ZNF117: variants seen among roughly 807,000 people sequenced by gnomAD.
The protein encoded by ZNF117 is zinc finger protein 117.
Under a neutral mutation model 41.2 loss-of-function variants are expected in ZNF117, and 37 were observed. That is an observed-to-expected ratio of 0.90 (90% CI 0.69 to 1.18). ZNF117 has a LOEUF of 1.18. Among genes scored for constraint, ZNF117 ranks in the 50% most tolerant of loss-of-function variants. The probability of loss-of-function intolerance (pLI) is 0.00; values close to 1 mark genes in which losing one functional copy is unlikely to be tolerated. For missense variants in ZNF117, 546 were observed against 557.5 expected (o/e 0.98, Z 0.21); for synonymous variants, 186 against 186.6 (o/e 1.00, Z 0.02).
At chr7:64,985,359 C>A (rs936437686), upstream of ZNF117, among the ~76,000 whole-genome samples, 1 of 152,174 alleles carries the variant, frequency 6.6e-6, no homozygotes, top group Non-Finnish European at 1.5e-5. Context: ...TGTATTCTAT[C>A]AAAGGAACTT....
chr7:64,979,347 G>C, exon 3 of ZNF117: 1 of 1,595,252 alleles, frequency 6.3e-7, no homozygotes, highest in Non-Finnish European at 8.5e-7. Context: ...GCTCAAGGTA[G>C]TTTTCAAACA....
upstream of ZNF117, among the ~76,000 whole-genome samples, chr7:64,984,446 A>G (rs897361999): frequency 6.6e-6 from 1 of 152,222 alleles, no homozygotes; most frequent in African/African-American, 2.4e-5. Flanking sequence ...ATATAGTGGA[A>G]TACATTTGAG....
exon 3 of ZNF117, chr7:64,974,801 T>C (rs1347474936): frequency 2.6e-5 from 4 of 151,916 alleles, no homozygotes; most frequent in Non-Finnish European, 4.4e-5. Flanking sequence ...TCAATAGCAA[T>C]TTACTTGTAC....
At chr7:64,979,286 A>G in exon 3 of ZNF117, 1 of 1,588,904 alleles carries the variant, frequency 6.3e-7, no homozygotes, top group Non-Finnish European at 8.5e-7. Context: ...GTCTATTTGA[A>G]TTTGAAATTT....
intron 2 of ZNF117, chr7:64,980,689 ATTT>A (rs1786005507): frequency 6.6e-6 from 1 of 152,040 alleles, no homozygotes; most frequent in Non-Finnish European, 1.5e-5. Context: ...GTGATATGTT[ATTT>A]ATAAGCATAG....
chr7:64,982,726 C>T (rs529800746), upstream of ZNF117, among the ~76,000 whole-genome samples: 28 of 152,110 alleles, frequency 1.8e-4, no homozygotes, highest in East Asian at 1.9e-3. Flanking sequence ...GGCAGATATA[C>T]GCACAGAAAA....
At chr7:64,983,524 G>A (rs2129119850), upstream of ZNF117, among the ~76,000 whole-genome samples, 1 of 152,304 alleles carries the variant, frequency 6.6e-6, no homozygotes, top group South Asian at 2.1e-4. Context: ...AGAACTAAAT[G>A]CATGGCATTC....
chr7:64,979,232 T>A (rs201978453), exon 3 of ZNF117: 1 of 1,609,232 alleles, frequency 6.2e-7, no homozygotes, highest in South Asian at 1.1e-5. Context: ...TTTTGCGACA[T>A]TCTTTACATT....
chr7:64,986,172 G>T (rs1786131327), upstream of ZNF117, among the ~76,000 whole-genome samples: 1 of 152,038 alleles, frequency 6.6e-6, no homozygotes, highest in African/African-American at 2.4e-5. Flanking sequence ...AAAAATCCAT[G>T]GGTGTATCAA....
chr7:64,987,885 T>A (rs1786169602), intron 1 of ZNF117, among the ~76,000 whole-genome samples: 1 of 147,460 alleles, frequency 6.8e-6, no homozygotes, highest in Non-Finnish European at 1.5e-5. Flanking sequence ...GACAAATATA[T>A]CCTCCCAAGA....
At chr7:64,974,366 T>A (rs934124631), downstream of ZNF117, 3 of 151,890 alleles carry the variant, frequency 2.0e-5, no homozygotes, top group Non-Finnish European at 4.4e-5. Flanking sequence ...ATAATTTGCA[T>A]GGAGAGATTC....
At chr7:64,981,877 C>G (rs887187240) in intron 1 of ZNF117, 107 bp downstream of exon 2, 1 of 388,436 alleles carries the variant, frequency 2.6e-6, no homozygotes, top group Middle Eastern at 3.5e-4. Context: ...TTTTTGAAAA[C>G]AGGGATCTGA....
upstream of ZNF117, among the ~76,000 whole-genome samples, chr7:64,984,200 C>T (rs1417312530): frequency 1.3e-5 from 2 of 152,044 alleles, no homozygotes; most frequent in Non-Finnish European, 2.9e-5. Flanking sequence ...GGTACAATCT[C>T]AGCTCACTGC....
upstream of ZNF117, chr7:64,982,190 T>G: frequency 5.5e-6 from 3 of 541,316 alleles, no homozygotes; most frequent in South Asian, 8.1e-5. Flanking sequence ...TAATTTTAAA[T>G]TTCAAGGTAA....
exon 1 of ZNF117, chr7:64,990,281 T>C (rs1405881578): frequency 1.3e-5 from 2 of 152,232 alleles, no homozygotes; most frequent in Non-Finnish European, 2.9e-5. Context: ...AAAAAGTCAA[T>C]GACAGATGCG....
intron 2 of ZNF117, 139 bp downstream of exon 3, chr7:64,981,248 A>G: frequency 9.6e-7 from 1 of 1,045,704 alleles, no homozygotes; most frequent in Non-Finnish European, 1.4e-6. Flanking sequence ...TCTATGTGAG[A>G]GAAAAATAAA....
At chr7:64,986,290 T>G (rs1424030447), upstream of ZNF117, among the ~76,000 whole-genome samples, 2 of 152,168 alleles carry the variant, frequency 1.3e-5, no homozygotes, top group Admixed American at 6.6e-5. Context: ...AAGAAAATTT[T>G]GGGGGCTCCA....
At chr7:64,978,111 T>G (rs1353507318) in exon 3 of ZNF117, 1 of 1,604,324 alleles carries the variant, frequency 6.2e-7, no homozygotes, top group South Asian at 1.1e-5. Flanking sequence ...TTCAATGAGT[T>G]TTGAGGATCA....
upstream of ZNF117, among the ~76,000 whole-genome samples, chr7:64,983,052 G>A (rs1301496150): frequency 6.6e-6 from 1 of 152,212 alleles, no homozygotes; most frequent in Non-Finnish European, 1.5e-5. Flanking sequence ...ATTTTTAATA[G>A]TGATTTTAAG....
Sources: gnomAD v4.1 joint callset for allele counts (sites outside exome capture counted in the v4.1 genomes callset) on GRCh38, gnomAD v4.1.1 for gene constraint, MANE v1.5 for transcripts, NCBI Gene and HGNC (gene_info 2026-07-23, HGNC 2026-07-21) for gene names.